Variants in LMO3 observed in about 807,000 individuals in gnomAD.
The protein encoded by LMO3 is LIM domain only 3.
Under a neutral mutation model 15.8 loss-of-function variants are expected in LMO3, and 2 were observed. The observed-to-expected ratio is 0.13, with a 90% CI of 0.05 to 0.40. The LOEUF is 0.40. Among genes scored for constraint, LMO3 ranks in the 10% least tolerant of loss-of-function variants. LMO3 has a pLI of 0.99. For missense variants in LMO3, 86 were observed against 182.2 expected, an observed-to-expected ratio of 0.47 and a Z score of 3.04; for synonymous variants, 62 against 63.8, an observed-to-expected ratio of 0.97 and a Z score of 0.13.
rs1348740685 is a variant in LMO3 at position 16,559,305 on chromosome 12, A to C, written c.332+1108T>G. On this transcript the variant is annotated intron_variant, in intron 3 of 3. Transcript: ENST00000537304. This position sits in a 1 kb window ranked among gnomAD's most constrained non-coding sequence, Gnocchi z 4.1. ...TATAAAACAGGTGCCAGTAGTATAT[A>C]GTTTTCACAGAAATAAAAAATATAA... is the stretch of plus-strand genomic sequence containing the variant. 1.3e-5 allele frequency among the ~76,000 whole-genome samples: 2 copies of C among 152,230 alleles called. No individual in the cohort carries two copies. Among genetic ancestry groups the C allele is most frequent in the African/African-American group, 4.8e-5 (2 of 41,474 alleles).
chr12:16,600,953 C>T (rs1943803712), intron 1 of LMO3, 85 bp from the exon 2 acceptor site: 1 of 1,005,692 alleles, frequency 9.9e-7, no homozygotes, highest in African/African-American at 1.6e-5. Flanking sequence ...TTTAATATTT[C>T]CTTATTCTAG....
rs1303502284 is a variant in LMO3 at position 16,555,163 on chromosome 12, G to A, written c.333-3836C>T. Among the ~76,000 whole-genome samples the A allele has an allele frequency of 6.6e-6, 1 of 152,164 alleles. No individual in the cohort carries two copies. Among genetic ancestry groups the A allele is most frequent in the African/African-American group, 2.4e-5 (1 of 41,446 alleles). ...TTTGACTAATACTTTATCAGAATTTGCTATCATTATTATTTGGTAATGATA... is the reference window on the plus strand; with the variant it reads ...TTTGACTAATACTTTATCAGAATTTACTATCATTATTATTTGGTAATGATA... On this transcript the variant is annotated intron_variant, in intron 3 of 3. Transcript: ENST00000537304. This position sits in a 1 kb window ranked among gnomAD's most constrained non-coding sequence, Gnocchi z 5.5.
upstream of LMO3, chr12:16,609,926 A>C (rs77137924): frequency 7.1e-6 from 1 of 140,486 alleles, no homozygotes; most frequent in Admixed American, 7.2e-5. Flanking sequence ...TTTTTTTTTA[A>C]TTTTTTTTTT....
Position 16,580,871 on chromosome 12 carries a change from T to C in LMO3, c.206+19784A>G, listed in dbSNP as rs555895405. Among the ~76,000 whole-genome samples, 7 of 152,308 alleles carry C rather than the reference T, an allele frequency of 4.6e-5. No homozygotes were observed. The South Asian group carries it at 8.3e-4, about 18-fold the overall frequency. Reference sequence around the variant, plus strand: ...TTATTAATTATACAAAGAAACAGAATTGACCACTGTTAACACCTTATTTGT... The same window carrying C: ...TTATTAATTATACAAAGAAACAGAACTGACCACTGTTAACACCTTATTTGT... On this transcript the variant is annotated intron_variant, in intron 2 of 3. Transcript: ENST00000537304.
At chr12:16,605,442 C>A (rs1426041577) in intron 1 of LMO3, 32 of 744,308 alleles carry the variant, frequency 4.3e-5, no homozygotes, top group Admixed American at 2.0e-4. Flanking sequence ...GCCTGCCCCC[C>A]CCCCCCGCCC....
intron 2 of LMO3, among the ~76,000 whole-genome samples, chr12:16,590,882 A>G (rs1256027326): frequency 1.3e-5 from 2 of 152,086 alleles, no homozygotes; most frequent in Non-Finnish European, 2.9e-5. Flanking sequence ...TTTCAAATTC[A>G]TATTTCACAA....
intron 3 of LMO3, among the ~76,000 whole-genome samples, 188 bp from the exon 4 acceptor site, chr12:16,551,515 CA>C (rs1941988925): frequency 1.3e-5 from 2 of 151,314 alleles, no homozygotes; most frequent in African/African-American, 4.9e-5. Flanking sequence ...AAATGTTGCA[CA>C]CATTTGAAAT....
At chr12:16,562,467 G>A (rs1942440544) in intron 2 of LMO3, among the ~76,000 whole-genome samples, 1 of 152,146 alleles carries the variant, frequency 6.6e-6, no homozygotes, top group South Asian at 2.1e-4. Context: ...AATTCTGGAC[G>A]TAGTTTTCCC....
At chr12:16,609,727 T>A (rs1349307235), upstream of LMO3, 2 of 152,112 alleles carry the variant, frequency 1.3e-5, no homozygotes, top group Non-Finnish European at 2.9e-5. Context: ...AGATATATAC[T>A]ACTTACCTTT....
intron 2 of LMO3, among the ~76,000 whole-genome samples, chr12:16,578,857 C>CAAA (rs1943074072): frequency 6.9e-6 from 1 of 145,856 alleles, no homozygotes; most frequent in South Asian, 2.2e-4. Context: ...ACAACAACAA[C>CAAA]AAAACATTAA....
intron 1 of LMO3, among the ~76,000 whole-genome samples, chr12:16,601,219 A>G (rs942822267): frequency 2.0e-5 from 3 of 152,214 alleles, no homozygotes; most frequent in Non-Finnish European, 2.9e-5. Flanking sequence ...GTAAATAACA[A>G]TCTGAAAAGA....
chr12:16,558,743 A>T (rs190125069), intron 3 of LMO3, among the ~76,000 whole-genome samples: 177 of 152,286 alleles, frequency 1.2e-3, no homozygotes, highest in African/African-American at 3.9e-3. Context: ...ACATTTAGCA[A>T]GAAACACTAT....
At chr12:16,563,227 G>T (rs907120284) in intron 2 of LMO3, among the ~76,000 whole-genome samples, 3 of 152,106 alleles carry the variant, frequency 2.0e-5, no homozygotes, top group African/African-American at 7.2e-5. Flanking sequence ...CTAATTTACT[G>T]CAAAGCGATG....
chr12:16,605,414 C>A (rs1358735907), intron 1 of LMO3: 3 of 1,195,540 alleles, frequency 2.5e-6, no homozygotes, highest in African/African-American at 3.2e-5. Context: ...CCTCTTCTAG[C>A]CACTTCTGCC....
At chr12:16,563,184 C>T (rs1208331627) in intron 2 of LMO3, among the ~76,000 whole-genome samples, 7 of 152,154 alleles carry the variant, frequency 4.6e-5, no homozygotes, top group Non-Finnish European at 8.8e-5. Context: ...ACTGTCAGCT[C>T]ACAGACTGAG....
Position 16,600,794 on chromosome 12 carries a change from G to T in LMO3, c.67C>A (p.Arg23=), listed in dbSNP as rs2137702630. 1.9e-6 allele frequency: 3 copies of T among 1,614,088 alleles called. No individual in the cohort carries two copies. Among genetic ancestry groups the T allele is most frequent in the Non-Finnish European group, 2.5e-6 (3 of 1,179,994 alleles). Residue 23 remains arginine (R), a synonymous_variant, in exon 2 of 4, where the codon CGG becomes AGG. Coordinates refer to ENST00000537304, the MANE Select transcript of LMO3 (RefSeq NM_018640.5). ...TTGTCCAGTGCCTTTAGAAGATACC[G>T]GTCCTTGATCTTTCGGTTGCAGCCA... ...CAGCNRKIKD[R]YLLKALDKYW...
intron 1 of LMO3, chr12:16,601,755 A>G (rs1315497124): frequency 6.6e-6 from 1 of 152,186 alleles, no homozygotes; most frequent in Non-Finnish European, 1.5e-5. Flanking sequence ...AGAAACATTT[A>G]TATATTTTAA....
In LMO3 at chr12:16,560,739, T is replaced by C. The variant is rs761602150; in HGVS notation, c.207-201A>G. On this transcript the variant is annotated intron_variant, in intron 2 of 3. Transcript: ENST00000537304. This position sits in a 1 kb window ranked among gnomAD's most constrained non-coding sequence, Gnocchi z 5.0. Reference sequence around the variant, plus strand: ...TTGACCTTCCTTGATGAAAATCACATCTTGTTTGAGAAGAAAAGGAAAAGA... The same window carrying C: ...TTGACCTTCCTTGATGAAAATCACACCTTGTTTGAGAAGAAAAGGAAAAGA... 1.7e-6 allele frequency: 1 copy of C among 603,902 alleles called. No homozygotes were observed. The highest frequency in any genetic ancestry group is 2.5e-5 in the Admixed American group (1 of 39,832). 37.4% of individuals were successfully genotyped at this position (603,902 alleles called of 1,614,324 possible).
chr12:16,594,858 A>G (rs779646004), intron 2 of LMO3, among the ~76,000 whole-genome samples: 11 of 151,620 alleles, frequency 7.3e-5, no homozygotes, highest in Non-Finnish European at 1.6e-4. Context: ...AAAACACACC[A>G]TTAAAATTTA....
Sources: gnomAD v4.1 joint callset for allele counts (sites outside exome capture counted in the v4.1 genomes callset) on GRCh38, gnomAD v4.1.1 for gene constraint, Gnocchi (gnomAD v3.1) non-coding constraint, MANE v1.5 for transcripts, NCBI Gene and HGNC (gene_info 2026-07-23, HGNC 2026-07-21) for gene names.